Variants in CFTR observed in about 807,000 individuals in gnomAD.
The protein encoded by CFTR is CF transmembrane conductance regulator.
Under a neutral mutation model 171.6 loss-of-function variants are expected in CFTR, and 181 were observed. The ratio of observed to expected loss-of-function variants is 1.05; its 90% CI spans 0.93 to 1.19. CFTR has a LOEUF of 1.19. Ranked by LOEUF, CFTR falls within the 50% of genes most tolerant of loss-of-function variation. The pLI is 0.00. For synonymous variants in CFTR, 583 were observed against 608.0 expected (o/e 0.96, Z 0.60); for missense variants, 1,968 against 1,734.7 (o/e 1.13, Z -2.39).
chr7:117,590,169 T>G (rs1402668399), intron 12 of CFTR, among the ~76,000 whole-genome samples, 184 bp from the exon 13 acceptor site: 1 of 152,024 alleles, frequency 6.6e-6, no homozygotes, highest in African/African-American at 2.4e-5. Flanking sequence ...TAAAATAATC[T>G]ACCATAGTAA....
At chr7:117,651,820 T>C (rs1793093665) in intron 23 of CFTR, among the ~76,000 whole-genome samples, 1 of 152,148 alleles carries the variant, frequency 6.6e-6, no homozygotes, top group African/African-American at 2.4e-5. Context: ...ACACCATTAA[T>C]TGGGAATTGA....
At position 117,603,671 on chromosome 7, in the gene CFTR, A is replaced by G. The variant is rs397508436; in HGVS notation, c.2797A>G (p.Arg933Gly). 1.2e-6 allele frequency: 2 copies of G among 1,614,012 alleles called. No homozygotes were observed. Among genetic ancestry groups the G allele is most frequent in the African/African-American group, 1.3e-5 (1 of 74,938 alleles). Residue 933 changes from arginine (R) to glycine (G), a missense_variant, in exon 17 of 27, where the codon AGA becomes GGA. By Grantham distance (125) the Arg-to-Gly change is moderately radical. Coordinates refer to ENST00000003084, the MANE Select transcript of CFTR (RefSeq NM_000492.4). ...CACTTTGCTTGCTATGGGATTCTTCAGAGGTCTACCACTGGTGCATACTCT... is the reference window on the plus strand; with the variant it reads ...CACTTTGCTTGCTATGGGATTCTTCGGAGGTCTACCACTGGTGCATACTCT... ...ADTLLAMGFFRGLPLVHTLIT... is the reference protein window; with the variant it reads ...ADTLLAMGFFGGLPLVHTLIT...
Position 117,540,180 on chromosome 7 carries a change from T to G in CFTR, c.950T>G (p.Val317Gly), listed in dbSNP as rs1204521684. Residue 317 changes from valine to glycine, a missense_variant, in exon 8 of 27, where the codon GTG (valine) becomes GGG (glycine). Transcript: ENST00000003084. The stretch of plus-strand genomic sequence containing the variant: ...GCCTTCTTCTTCTCAGGGTTCTTTG[T>G]GGTGTTTTTATCTGTGCTTCCCTAT... ...SSAFFFSGFF[V>G]VFLSVLPYAL... 1 of 1,614,116 alleles carries G rather than the reference T, an allele frequency of 6.2e-7. No individual in the cohort carries two copies. The highest frequency in any genetic ancestry group is 1.7e-5 in the Admixed American group (1 of 60,008).
At chr7:117,635,878 C>T (rs893121203) in intron 22 of CFTR, among the ~76,000 whole-genome samples, 1 of 151,926 alleles carries the variant, frequency 6.6e-6, no homozygotes, top group African/African-American at 2.4e-5. Flanking sequence ...AAACTGTTAT[C>T]GTTAAATCAA....
intron 20 of CFTR, among the ~76,000 whole-genome samples, chr7:117,612,185 G>A (rs887745178): frequency 3.4e-5 from 5 of 148,638 alleles, no homozygotes; most frequent in Non-Finnish European, 7.4e-5. Context: ...AAGGGTCCTA[G>A]CTTCAAAATT....
chr7:117,621,561 C>T (rs1792580760), intron 21 of CFTR, among the ~76,000 whole-genome samples: 1 of 152,082 alleles, frequency 6.6e-6, no homozygotes. Flanking sequence ...TGTCCTGTAT[C>T]AATCAATGAT....
At chr7:117,553,666 A>C (rs1799306960) in intron 10 of CFTR, among the ~76,000 whole-genome samples, 1 of 152,214 alleles carries the variant, frequency 6.6e-6, no homozygotes, top group Non-Finnish European at 1.5e-5. Context: ...AGTGTAAAAT[A>C]TCATTTCAAC....
intron 3 of CFTR, among the ~76,000 whole-genome samples, chr7:117,523,867 A>T (rs1311786611): frequency 2.0e-5 from 3 of 152,214 alleles, no homozygotes; most frequent in African/African-American, 4.8e-5. Flanking sequence ...TACTCAAAAT[A>T]AAAAAATCTT....
chr7:117,617,559 G>A (rs1222358346), intron 21 of CFTR, among the ~76,000 whole-genome samples: 2 of 151,298 alleles, frequency 1.3e-5, no homozygotes, highest in African/African-American at 2.4e-5. Context: ...CCTGCAGCCA[G>A]TGACTTTATT....
chr7:117,537,045 T>C (rs1798970276), intron 7 of CFTR, among the ~76,000 whole-genome samples: 1 of 152,170 alleles, frequency 6.6e-6, no homozygotes, highest in African/African-American at 2.4e-5. Flanking sequence ...AATAGATGAT[T>C]CTCTATTATT....
At position 117,611,782 on chromosome 7, in the gene CFTR, T is replaced by A; in HGVS notation, c.3341T>A (p.Val1114Asp). The A allele has an allele frequency of 6.2e-7, 1 of 1,612,518 alleles. No individual in the cohort carries two copies. The highest frequency in any genetic ancestry group is 1.1e-5 in the South Asian group (1 of 91,038). ...EMIFVIFFIA[V>D]TFISILTTGE... Reference sequence around the variant, plus strand: ...ATTTTTGTCATCTTCTTCATTGCTGTTACCTTCATTTCCATTTTAACAACA... The same window carrying A: ...ATTTTTGTCATCTTCTTCATTGCTGATACCTTCATTTCCATTTTAACAACA... Residue 1114 changes from valine to aspartate, a missense_variant, in exon 20 of 27, where the codon GTT (valine) becomes GAT (aspartate). Transcript: ENST00000003084.
chr7:117,591,623 GATAA>G (rs1216839318), intron 13 of CFTR, among the ~76,000 whole-genome samples: 1 of 152,004 alleles, frequency 6.6e-6, no homozygotes, highest in East Asian at 1.9e-4. Flanking sequence ...TCATTTTCTA[GATAA>G]ATAAACTGAG....
At chr7:117,577,827 G>T (rs1481279751) in intron 11 of CFTR, among the ~76,000 whole-genome samples, 1 of 152,028 alleles carries the variant, frequency 6.6e-6, no homozygotes, top group Non-Finnish European at 1.5e-5. Flanking sequence ...TTGGAAAGTG[G>T]GGCAAATGAA....
At chr7:117,645,805 A>G (rs1792988821) in intron 23 of CFTR, among the ~76,000 whole-genome samples, 1 of 152,016 alleles carries the variant, frequency 6.6e-6, no homozygotes, top group African/African-American at 2.4e-5. Flanking sequence ...TTTAATTTCC[A>G]CTTAGCATTG....
chr7:117,596,081 T>C (rs1792118365), intron 15 of CFTR, among the ~76,000 whole-genome samples: 1 of 152,172 alleles, frequency 6.6e-6, no homozygotes, highest in African/African-American at 2.4e-5. Flanking sequence ...TCCCCTGCAC[T>C]GTGGGAGCCC....
intron 3 of CFTR, among the ~76,000 whole-genome samples, chr7:117,514,057 G>T (rs1050858262): frequency 6.6e-6 from 1 of 152,112 alleles, no homozygotes; most frequent in Non-Finnish European, 1.5e-5. Context: ...TATAGCCAAA[G>T]TTGAGAACTA....
chr7:117,588,905 G>A (rs1239401627), intron 12 of CFTR, among the ~76,000 whole-genome samples: 1 of 152,018 alleles, frequency 6.6e-6, no homozygotes. Flanking sequence ...CAATAGATAC[G>A]GATAATTCAC....
chr7:117,570,247 G>A (rs1213417185), intron 11 of CFTR, among the ~76,000 whole-genome samples: 3 of 151,210 alleles, frequency 2.0e-5, no homozygotes, highest in Non-Finnish European at 4.4e-5. Context: ...AAAAAAAGAG[G>A]CAGAAAGACA....
At chr7:117,500,274 C>CTTTATTTTTTTTTTTTTTTTTTTTT (rs1562881494) in intron 1 of CFTR, among the ~76,000 whole-genome samples, 1 of 133,420 alleles carries the variant, frequency 7.5e-6, no homozygotes, top group Non-Finnish European at 1.6e-5. Flanking sequence ...AATTTTCTTC[C>CTTTATTTTTTTTTTTTTTTTTTTTT]TTTCTTTTTT....
Sources: allele counts gnomAD v4.1 joint callset (sites outside exome capture counted in the v4.1 genomes callset), GRCh38; gene constraint gnomAD v4.1.1; transcripts MANE v1.5; gene names NCBI Gene and HGNC (gene_info 2026-07-23, HGNC 2026-07-21).